SGCD: variants seen among roughly 807,000 people sequenced by gnomAD.
SGCD encodes the protein delta-sarcoglycan.
A neutral mutation model predicts 36.6 loss-of-function variants in SGCD; 18 were observed. That is an observed-to-expected ratio of 0.49 (90% CI 0.34 to 0.73). The LOEUF is 0.73. SGCD is among the 30% of genes least tolerant of loss of function. The probability of loss-of-function intolerance (pLI) is 0.01; values close to 1 mark genes in which losing one functional copy is unlikely to be tolerated. For synonymous variants in SGCD, 133 were observed against 130.6 expected (o/e 1.02, Z -0.12); for missense variants, 387 against 346.7 (o/e 1.12, Z -0.92).
At chr5:156,554,396 T>G (rs907778109) in intron 4 of SGCD, among the ~76,000 whole-genome samples, 1 of 151,472 alleles carries the variant, frequency 6.6e-6, no homozygotes, top group East Asian at 1.9e-4. Flanking sequence ...GTACCATGTA[T>G]ACATAATTTT....
chr5:155,771,670 G>A, the SGCD span, among the ~76,000 whole-genome samples: 17 of 151,978 alleles, frequency 1.1e-4, no homozygotes, highest in South Asian at 6.2e-4. Context: ...TGATCCACCC[G>A]CCTTGGCCTC....
chr5:155,869,566 G>A (rs369427374), upstream of SGCD, among the ~76,000 whole-genome samples: 283 of 152,112 alleles, frequency 1.9e-3, 1 homozygote, highest in Non-Finnish European at 3.3e-3. Flanking sequence ...GAGCCTGGGC[G>A]TTGCCATCAG....
At chr5:155,831,916 T>G in the SGCD span, among the ~76,000 whole-genome samples, 1 of 152,262 alleles carries the variant, frequency 6.6e-6, no homozygotes, top group African/African-American at 2.4e-5. Context: ...AGAAGTCTTG[T>G]GGTATTTACC....
At chr5:156,440,661 G>A (rs1428830709) in intron 3 of SGCD, among the ~76,000 whole-genome samples, 1 of 152,134 alleles carries the variant, frequency 6.6e-6, no homozygotes, top group Non-Finnish European at 1.5e-5. Flanking sequence ...CCTAGTGGGT[G>A]TGAAGTGGTA....
At chr5:156,179,609 T>C (rs1417192655) in intron 3 of SGCD, among the ~76,000 whole-genome samples, 1 of 151,510 alleles carries the variant, frequency 6.6e-6, no homozygotes, top group Non-Finnish European at 1.5e-5. Context: ...GAATATGTTA[T>C]AATTTTCCAA....
chr5:155,824,340 T>C, the SGCD span, among the ~76,000 whole-genome samples: 2 of 152,188 alleles, frequency 1.3e-5, no homozygotes, highest in Non-Finnish European at 2.9e-5. Context: ...TTGTGTAGAA[T>C]ATTAACAAAA....
chr5:155,791,524 A>G, the SGCD span, among the ~76,000 whole-genome samples: 16 of 152,318 alleles, frequency 1.1e-4, no homozygotes, highest in East Asian at 2.5e-3. Flanking sequence ...AGACTCTGCC[A>G]AAAGTCTCCT....
At chr5:156,002,432 C>T (rs539376079) in intron 1 of SGCD, among the ~76,000 whole-genome samples, 6 of 152,284 alleles carry the variant, frequency 3.9e-5, no homozygotes, top group South Asian at 4.1e-4. Flanking sequence ...TGACAGTCCT[C>T]GCCAAGTAAT....
chr5:156,572,951 C>T (rs1051387977), intron 4 of SGCD, among the ~76,000 whole-genome samples: 2 of 152,000 alleles, frequency 1.3e-5, no homozygotes, highest in Non-Finnish European at 2.9e-5. Flanking sequence ...AAATTTTGAC[C>T]AGCCAAGAAA....
At chr5:156,655,224 C>T (rs1000020755) in intron 7 of SGCD, among the ~76,000 whole-genome samples, 7 of 152,068 alleles carry the variant, frequency 4.6e-5, no homozygotes, top group Non-Finnish European at 7.4e-5. Flanking sequence ...CCTAATCAAA[C>T]ATGAGAAAAT....
intron 4 of SGCD, among the ~76,000 whole-genome samples, chr5:156,546,989 T>C (rs1160511732): frequency 1.3e-5 from 2 of 152,322 alleles, no homozygotes; most frequent in East Asian, 3.9e-4. Context: ...ACTGTTACAA[T>C]TCTTTTATTG....
chr5:156,578,242 C>G (rs141722132), intron 4 of SGCD, among the ~76,000 whole-genome samples: 338 of 152,260 alleles, frequency 2.2e-3, no homozygotes, highest in African/African-American at 7.6e-3. Flanking sequence ...GTTGAACCAG[C>G]CTTGCATCCC....
intron 6 of SGCD, among the ~76,000 whole-genome samples, chr5:156,603,035 GTT>G: frequency 1.1e-5 from 1 of 87,950 alleles, no homozygotes; most frequent in South Asian, 3.9e-4. Flanking sequence ...TTCTTTAAGT[GTT>G]TGGCAAGAAG....
At chr5:155,841,853 A>T in the SGCD span, among the ~76,000 whole-genome samples, 2 of 152,110 alleles carry the variant, frequency 1.3e-5, no homozygotes, top group Admixed American at 1.3e-4. Context: ...TTTCTGTCCC[A>T]TTCCCTCTCC....
chr5:156,188,372 A>C (rs1215310553), intron 3 of SGCD, among the ~76,000 whole-genome samples: 2 of 152,190 alleles, frequency 1.3e-5, no homozygotes, highest in East Asian at 3.8e-4. Flanking sequence ...CTGTGAGAAA[A>C]ATAAAAGTAG....
intron 3 of SGCD, among the ~76,000 whole-genome samples, chr5:156,127,440 A>G (rs1230088814): frequency 5.9e-5 from 9 of 152,136 alleles, no homozygotes; most frequent in African/African-American, 1.7e-4. Flanking sequence ...CTGTTTCTAA[A>G]ATAAAATAGA....
At chr5:156,069,142 T>A (rs1446463374) in intron 1 of SGCD, among the ~76,000 whole-genome samples, 1 of 152,174 alleles carries the variant, frequency 6.6e-6, no homozygotes, top group African/African-American at 2.4e-5. Context: ...ATCCCATTTG[T>A]CAATTTTGGC....
At chr5:156,346,866 C>T (rs952600664) in intron 3 of SGCD, among the ~76,000 whole-genome samples, 2 of 151,806 alleles carry the variant, frequency 1.3e-5, no homozygotes, top group Non-Finnish European at 2.9e-5. Flanking sequence ...GGCACAATCT[C>T]GGCTCACTGC....
chr5:156,342,365 G>T (rs1768705539), intron 2 of SGCD, among the ~76,000 whole-genome samples: 1 of 152,108 alleles, frequency 6.6e-6, no homozygotes, highest in South Asian at 2.1e-4. Context: ...ACCTTACCCT[G>T]CCACAAATCC....
Sources: allele counts gnomAD v4.1 joint callset (sites outside exome capture counted in the v4.1 genomes callset), GRCh38; gene constraint gnomAD v4.1.1; transcripts MANE v1.5; gene names NCBI Gene and HGNC (gene_info 2026-07-23, HGNC 2026-07-21).